Variants in ZNF236 observed in about 807,000 individuals in gnomAD.
ZNF236 encodes regulated by glucose.
ZNF236 carries 50 observed loss-of-function variants against 191.2 expected under a neutral mutation model. The ratio of observed to expected loss-of-function variants is 0.26; its 90% confidence interval spans 0.21 to 0.33. The LOEUF (loss-of-function observed/expected upper bound fraction) is 0.33, where lower values mean the gene tolerates loss of function less well. Among genes scored for constraint, ZNF236 ranks in the 10% least tolerant of loss-of-function variants. The pLI, the probability that ZNF236 is intolerant of heterozygous loss-of-function variation, is 1.00. For synonymous variants in ZNF236, 907 were observed against 928.8 expected (o/e 0.98, Z 0.43); for missense variants, 1,754 against 2,374.5 (o/e 0.74, Z 5.43).
At chr18:76,897,148 A>C (rs1568218213) in intron 10 of ZNF236, among the ~76,000 whole-genome samples, 1 of 151,572 alleles carries the variant, frequency 6.6e-6, no homozygotes, top group African/African-American at 2.4e-5. Flanking sequence ...ACACAGTACC[A>C]AACATAGTAC....
At chr18:76,889,633 G>A (rs1337304918) in intron 9 of ZNF236, among the ~76,000 whole-genome samples, 3 of 152,188 alleles carry the variant, frequency 2.0e-5, no homozygotes, top group African/African-American at 7.2e-5. Context: ...ACGAATGGGA[G>A]GATCCATGTA....
Position 76,957,150 on chromosome 18 carries a change from G to T in ZNF236, c.5112+968G>T, listed in dbSNP as rs766400008. On this transcript the variant is annotated intron_variant, in intron 28 of 30. Coordinates refer to ENST00000320610, the MANE Select transcript of ZNF236 (RefSeq NM_001306089.2). The stretch of plus-strand genomic sequence containing the variant: ...ACCCTTGGGGTTCCTGTGTATGTTG[G>T]GGGGGTGGGGATTGTTTTTGGCCTT... Among the ~76,000 whole-genome samples, 9 of 152,242 alleles carry T rather than the reference G, an allele frequency of 5.9e-5. No homozygotes were observed. The East Asian group carries it at 1.2e-3, about 20-fold the overall frequency.
intron 3 of ZNF236, among the ~76,000 whole-genome samples, chr18:76,855,527 C>A (rs994119532): frequency 6.6e-6 from 1 of 152,160 alleles, no homozygotes; most frequent in South Asian, 2.1e-4. Flanking sequence ...AAGTGTAATT[C>A]CACATCTGTT....
At chr18:76,828,836 T>G (rs1474633315) in intron 1 of ZNF236, among the ~76,000 whole-genome samples, 3 of 152,140 alleles carry the variant, frequency 2.0e-5, no homozygotes, top group African/African-American at 7.2e-5. Context: ...CCAGCTAATT[T>G]TTTGTATTTT....
intron 19 of ZNF236, among the ~76,000 whole-genome samples, chr18:76,917,469 T>C (rs528910350): frequency 9.4e-4 from 143 of 152,340 alleles, no homozygotes; most frequent in African/African-American, 3.3e-3. Flanking sequence ...TTTATTTAGA[T>C]TCACCTTGTA....
At chr18:76,856,255 C>T (rs1362555073) in intron 3 of ZNF236, among the ~76,000 whole-genome samples, 1 of 151,954 alleles carries the variant, frequency 6.6e-6, no homozygotes, top group Non-Finnish European at 1.5e-5. Flanking sequence ...CAATCTCAAC[C>T]CACTGCAACC....
chr18:76,947,500 A>G, intron 26 of ZNF236, 21 bp from the exon 27 acceptor site: 2 of 1,604,266 alleles, frequency 1.2e-6, no homozygotes, highest in Non-Finnish European at 1.7e-6. Flanking sequence ...AACTTCTGAA[A>G]TAGTACTAAT....
chr18:76,896,501 C>T (rs915167194), intron 10 of ZNF236, among the ~76,000 whole-genome samples: 1 of 151,850 alleles, frequency 6.6e-6, no homozygotes, highest in African/African-American at 2.4e-5. Context: ...CAGTGCTGTA[C>T]CCACACAGGC....
intron 25 of ZNF236, chr18:76,931,004 A>G (rs1967831142): frequency 6.6e-6 from 1 of 152,256 alleles, no homozygotes; most frequent in African/African-American, 2.4e-5. Context: ...TATGTTTAAC[A>G]CACTTGCCAA....
chr18:76,844,989 G>T (rs912451294), intron 1 of ZNF236, among the ~76,000 whole-genome samples: 1 of 152,152 alleles, frequency 6.6e-6, no homozygotes, highest in Non-Finnish European at 1.5e-5. Context: ...TTATTGGCAG[G>T]CCCTTGTCCT....
At chr18:76,879,969 G>T in intron 7 of ZNF236, 144 bp from the exon 8 acceptor site, 1 of 703,484 alleles carries the variant, frequency 1.4e-6, no homozygotes, top group East Asian at 2.8e-5. Context: ...AATCAGTGAG[G>T]CATTATATTT....
intron 25 of ZNF236, chr18:76,931,215 A>G (rs1967835948): frequency 6.6e-6 from 1 of 152,238 alleles, no homozygotes; most frequent in African/African-American, 2.4e-5. Context: ...AGAGCACAGC[A>G]TTGAGCTCTT....
In ZNF236 at chr18:76,868,691, A is replaced by G. The variant is rs778090961; in HGVS notation, c.370A>G (p.Ile124Val). Residue 124 changes from isoleucine (I) to valine (V), a missense_variant, in exon 4 of 31, where the codon ATC becomes GTC. Ile to Val is a conservative substitution (Grantham distance 29, BLOSUM62 3). This residue lies in a region of ZNF236 where 336 missense variants were observed against 495.1 expected (regional missense o/e 0.68). Transcript: ENST00000320610. ...IMLHEKEENL[I>V]CSECGDEFTL... The stretch of plus-strand genomic sequence containing the variant: ...GATGGGTTTTCTCTTCCAGAATCTC[A>G]TCTGTTCTGAGTGTGGGGATGAGTT... 3.7e-6 allele frequency: 6 copies of G among 1,603,158 alleles called. No homozygotes were observed. In the African/African-American group the frequency reaches 5.4e-5, roughly 14 times the overall value.
At chr18:76,882,094 T>TTAGA (rs1976918129) in intron 9 of ZNF236, among the ~76,000 whole-genome samples, 1 of 152,062 alleles carries the variant, frequency 6.6e-6, no homozygotes, top group East Asian at 1.9e-4. Context: ...CACAAACTTA[T>TTAGA]TAGACATCAT....
intron 11 of ZNF236, among the ~76,000 whole-genome samples, chr18:76,899,444 C>T (rs531504286): frequency 2.6e-5 from 4 of 152,264 alleles, no homozygotes; most frequent in South Asian, 2.1e-4. Context: ...ATTGTTTTCT[C>T]GGATTAGAGA....
In ZNF236 at chr18:76,875,463, A is replaced by T; in HGVS notation, c.668-29A>T. The T allele has an allele frequency of 6.8e-7, 1 of 1,475,830 alleles. No individual in the cohort carries two copies. Among genetic ancestry groups the T allele is most frequent in the Non-Finnish European group, 9.0e-7 (1 of 1,105,090 alleles). 91.4% of individuals were successfully genotyped at this position (1,475,830 alleles called of 1,614,324 possible). A position where few individuals can be genotyped will look rare whatever the true frequency, so the allele number is the denominator to read the frequency against. ...TAAGATGCCCATACAATATGGAATT[A>T]TATTTTGATCATTTTTCTCCCACTC... is the stretch of plus-strand genomic sequence containing the variant. On this transcript the variant is annotated intron_variant, in intron 5 of 30. Coordinates refer to ENST00000320610, the MANE Select transcript of ZNF236 (RefSeq NM_001306089.2). This position sits in a 1 kb window ranked among gnomAD's most constrained non-coding sequence, Gnocchi z 4.3.
chr18:76,910,748 C>T lies in ZNF236; in HGVS notation c.2742C>T (p.Ala914=). The change falls in exon 16 of 31, where the codon GCC becomes GCT. Residue 914 remains alanine, a synonymous_variant. Transcript: ENST00000320610. ...LQDSSTLESQ[A]LSTSFHQQSL... ...ATTCCAGCACACTTGAGTCTCAGGC[C>T]CTCTCCACAAGCTTCCACCAGCAGA... 1.2e-6 allele frequency: 2 copies of T among 1,614,134 alleles called. No homozygotes were observed. Among genetic ancestry groups the T allele is most frequent in the African/African-American group, 1.3e-5 (1 of 75,026 alleles).
intron 1 of ZNF236, chr18:76,834,716 C>A (rs922176074): frequency 2.3e-6 from 1 of 444,152 alleles, no homozygotes; most frequent in South Asian, 1.9e-5. Context: ...ATAGTGTCCT[C>A]ATACAACCTG....
At chr18:76,902,703 C>T (rs1464528957) in intron 11 of ZNF236, among the ~76,000 whole-genome samples, 1 of 152,122 alleles carries the variant, frequency 6.6e-6, no homozygotes, top group African/African-American at 2.4e-5. Context: ...TCCTGAGTAG[C>T]TAGGACTACA....
Sources: allele counts gnomAD v4.1 joint callset (sites outside exome capture counted in the v4.1 genomes callset), GRCh38; gene constraint gnomAD v4.1.1; regional missense constraint gnomAD v4.1.1; non-coding constraint Gnocchi (gnomAD v3.1); transcripts MANE v1.5; gene names NCBI Gene and HGNC (gene_info 2026-07-23, HGNC 2026-07-21).